The following ACOX2 variants were observed in gnomAD, a reference collection of about 807,000 sequenced individuals.
The protein encoded by ACOX2 is acyl-CoA oxidase 2, also known as peroxisomal acyl-coenzyme A oxidase 2.
In ACOX2, 59 loss-of-function variants were observed where a neutral mutation model predicts 77.5. The observed-to-expected ratio is 0.76, with a 90% confidence interval of 0.62 to 0.95. The LOEUF is 0.95. ACOX2 is among the 40% of genes least tolerant of loss of function. ACOX2 has a pLI of 0.00. For missense variants in ACOX2, 837 were observed against 880.4 expected, an observed-to-expected ratio of 0.95 and a Z score of 0.62; for synonymous variants, 317 against 340.1, an observed-to-expected ratio of 0.93 and a Z score of 0.75.
At chr3:58,517,000 C>G (rs2063325591) in intron 13 of ACOX2, among the ~76,000 whole-genome samples, 1 of 152,118 alleles carries the variant, frequency 6.6e-6, no homozygotes, top group Admixed American at 6.5e-5. Context: ...CTCATTTATT[C>G]TTCAGTATTT....
rs779373513 is a variant in ACOX2 at position 58,531,331 on chromosome 3, A to C, written c.739T>G (p.Phe247Val). The C allele has an allele frequency of 6.2e-7, 1 of 1,613,928 alleles. No homozygotes were observed. The highest frequency in any genetic ancestry group is 8.5e-7 in the Non-Finnish European group (1 of 1,180,032). Residue 247 changes from phenylalanine to valine, a missense_variant, in exon 7 of 15, where the codon TTT becomes GTT. By Grantham distance (50) the Phe-to-Val change is conservative (BLOSUM62 -1). Coordinates refer to ENST00000302819, the MANE Select transcript of ACOX2 (RefSeq NM_003500.4). This position sits in a 1 kb window ranked among gnomAD's most constrained non-coding sequence, Gnocchi z 5.8. ...IIGDIGPKMD[F>V]DQTDNGFLQL... The stretch of plus-strand genomic sequence containing the variant: ...AGGAAGCCATTGTCTGTTTGATCAA[A>C]GTCCATCTTGGGTCCGATGTCCCCA...
At position 58,534,810 on chromosome 3, in the gene ACOX2, C is replaced by T. The variant is rs902675536; in HGVS notation, c.160+137G>A. 31 of 1,443,608 alleles carry T rather than the reference C, an allele frequency of 2.1e-5. No individual in the cohort carries two copies. The highest frequency in any genetic ancestry group is 2.0e-4 in the Middle Eastern group (1 of 5,046). The allele number at this position is 1,443,608 out of a possible 1,614,324, so 89.4% of individuals were successfully genotyped here. On this transcript the variant is annotated intron_variant, in intron 2 of 14. Coordinates refer to ENST00000302819, the MANE Select transcript of ACOX2 (RefSeq NM_003500.4). The surrounding 1 kb of genome is among the most constrained non-coding windows in gnomAD (Gnocchi z 4.8). ...ACATGTGAAGATTGTCTTTACAGTT[C>T]GAAGGAATGAATCTCTAACAGTGGA... is the stretch of plus-strand genomic sequence containing the variant.
chr3:58,531,392 C>T lies in ACOX2; in HGVS notation c.704-26G>A. ...CTTGAAGGAGATGGAGATGAGGACACCTATCAGTTGAGAGAGTGCTTGCTA... is the reference window on the plus strand; with the variant it reads ...CTTGAAGGAGATGGAGATGAGGACATCTATCAGTTGAGAGAGTGCTTGCTA... On this transcript the variant is annotated intron_variant, in intron 6 of 14. Coordinates refer to ENST00000302819, the MANE Select transcript of ACOX2 (RefSeq NM_003500.4). This position sits in a 1 kb window ranked among gnomAD's most constrained non-coding sequence, Gnocchi z 5.8. 6 of 1,595,180 alleles carry T rather than the reference C, an allele frequency of 3.8e-6. No individual in the cohort carries two copies. Among genetic ancestry groups the T allele is most frequent in the Non-Finnish European group, 5.2e-6 (6 of 1,163,464 alleles).
At chr3:58,510,439 C>T (rs547634635) in intron 13 of ACOX2, among the ~76,000 whole-genome samples, 5 of 151,116 alleles carry the variant, frequency 3.3e-5, no homozygotes, top group African/African-American at 1.2e-4. Flanking sequence ...TCGAGACCAG[C>T]CTGGCCAACA....
Position 58,505,172 on chromosome 3 carries a change from G to C in ACOX2, c.*52C>G. On this transcript the variant is annotated 3_prime_UTR_variant, in exon 15 of 15. Coordinates refer to ENST00000302819, the MANE Select transcript of ACOX2 (RefSeq NM_003500.4). This position sits in a 1 kb window ranked among gnomAD's most constrained non-coding sequence, Gnocchi z 4.4. Reference sequence around the variant, plus strand: ...ATTTTAATGTTGCATATATGCCATAGTACCATTATCACATGATGGTGCTGG... The same window carrying C: ...ATTTTAATGTTGCATATATGCCATACTACCATTATCACATGATGGTGCTGG... 1 of 1,456,956 alleles carries C rather than the reference G, an allele frequency of 6.9e-7. No homozygotes were observed. The allele number at this position is 1,456,956 out of a possible 1,614,324, so 90.3% of individuals were successfully genotyped here. A position where few individuals can be genotyped will look rare whatever the true frequency, so the allele number is the denominator to read the frequency against.
rs200273733 is a variant in ACOX2 at position 58,531,648 on chromosome 3, G to A, written c.703+45C>T. On this transcript the variant is annotated intron_variant, in intron 6 of 14. Coordinates refer to ENST00000302819, the MANE Select transcript of ACOX2 (RefSeq NM_003500.4). This position sits in a 1 kb window ranked among gnomAD's most constrained non-coding sequence, Gnocchi z 5.8. ...GCCCCAGGTCAGGGAGGCCACCTGGGCTCTCCTCCTGGCAGGGTTCCTTGA... is the reference window on the plus strand; with the variant it reads ...GCCCCAGGTCAGGGAGGCCACCTGGACTCTCCTCCTGGCAGGGTTCCTTGA... 1.8e-5 allele frequency: 29 copies of A among 1,601,848 alleles called. No homozygotes were observed. The East Asian group carries it at 4.7e-4, about 26-fold the overall frequency.
At chr3:58,518,075 CAAAAAAAAAAA>C (rs763535906) in intron 12 of ACOX2, among the ~76,000 whole-genome samples, 34 of 47,700 alleles carry the variant, frequency 7.1e-4, no homozygotes, top group African/African-American at 2.7e-3. Context: ...AACTCCATCT[CAAAAAAAAAAA>C]AAAAAAAAAA....
chr3:58,529,774 C>T (rs1454743376), intron 8 of ACOX2, among the ~76,000 whole-genome samples: 1 of 152,234 alleles, frequency 6.6e-6, no homozygotes, highest in Non-Finnish European at 1.5e-5. Flanking sequence ...TACTGCATTT[C>T]ACCCTCCACA....
rs1246260779 is a variant in ACOX2 at position 58,528,249 on chromosome 3, A to G, written c.1155+545T>C. ...TGGTAGCCTGGACAGACTGAATTTT[A>G]CTATATATGTAAGTCCACAATGCTT... is the stretch of plus-strand genomic sequence containing the variant. On this transcript the variant is annotated intron_variant, in intron 9 of 14. Coordinates refer to ENST00000302819, the MANE Select transcript of ACOX2 (RefSeq NM_003500.4). This position sits in a 1 kb window ranked among gnomAD's most constrained non-coding sequence, Gnocchi z 5.6. Among the ~76,000 whole-genome samples the G allele has an allele frequency of 6.6e-6, 1 of 152,186 alleles. No homozygotes were observed. The highest frequency in any genetic ancestry group is 1.9e-4 in the East Asian group (1 of 5,192).
rs746987925 is a variant in ACOX2 at position 58,534,909 on chromosome 3, G to A, written c.160+38C>T. 2 of 1,612,978 alleles carry A rather than the reference G, an allele frequency of 1.2e-6. No homozygotes were observed. Among genetic ancestry groups the A allele is most frequent in the South Asian group, 1.1e-5 (1 of 91,012 alleles). ...ACTCTTCTTACAAGAGAAGCATGGG[G>A]CATAAAACAGATGTCCCATTCCCCA... On this transcript the variant is annotated intron_variant, in intron 2 of 14. Coordinates refer to ENST00000302819, the MANE Select transcript of ACOX2 (RefSeq NM_003500.4). The surrounding 1 kb of genome is among the most constrained non-coding windows in gnomAD (Gnocchi z 4.8).
At position 58,535,691 on chromosome 3, in the gene ACOX2, A is replaced by G. The variant is rs977071003; in HGVS notation, c.-91-494T>C. Among the ~76,000 whole-genome samples, 2 of 152,104 alleles carry G rather than the reference A, an allele frequency of 1.3e-5. No individual in the cohort carries two copies. Among genetic ancestry groups the G allele is most frequent in the Admixed American group, 6.5e-5 (1 of 15,272 alleles). ...TCTAGGATCACTCAGCTCCATTTCTATGAGCCCTGCAGGTATATTGTGGAA... is the reference window on the plus strand; with the variant it reads ...TCTAGGATCACTCAGCTCCATTTCTGTGAGCCCTGCAGGTATATTGTGGAA... On this transcript the variant is annotated intron_variant, in intron 1 of 14. Coordinates refer to ENST00000302819, the MANE Select transcript of ACOX2 (RefSeq NM_003500.4). This position sits in a 1 kb window ranked among gnomAD's most constrained non-coding sequence, Gnocchi z 4.8.
rs572205894 is a variant in ACOX2 at position 58,514,888 on chromosome 3, G to A, written c.1850+2318C>T. On this transcript the variant is annotated intron_variant, in intron 13 of 14. Transcript: ENST00000302819. The surrounding 1 kb of genome is among the most constrained non-coding windows in gnomAD (Gnocchi z 4.3). ...GTTTCAAAAAGATGGACACCCTTGG[G>A]CTTGAACTGTGCAGTACTTAATTAT... Among the ~76,000 whole-genome samples the A allele has an allele frequency of 6.6e-6, 1 of 152,204 alleles. No individual in the cohort carries two copies. The highest frequency in any genetic ancestry group is 1.5e-5 in the Non-Finnish European group (1 of 68,036).
chr3:58,518,304 A>T (rs940781086), intron 12 of ACOX2, among the ~76,000 whole-genome samples: 1 of 152,152 alleles, frequency 6.6e-6, no homozygotes, highest in East Asian at 1.9e-4. Flanking sequence ...TTGTAAAAAT[A>T]ATACTTTAAT....
rs746931246 is a variant in ACOX2, at chr3:58,522,556, G to GGATTGC, written c.1566_1571dup (p.Gln523_Ser524dup). 6.2e-7 allele frequency: 1 copy of GGATTGC among 1,614,154 alleles called. No individual in the cohort carries two copies. Among genetic ancestry groups the GGATTGC allele is most frequent in the African/African-American group, 1.3e-5 (1 of 75,026 alleles). On this transcript the variant is annotated inframe_insertion, in exon 12 of 15. Coordinates refer to ENST00000302819, the MANE Select transcript of ACOX2 (RefSeq NM_003500.4). This position sits in a 1 kb window ranked among gnomAD's most constrained non-coding sequence, Gnocchi z 4.3. ...TCCAAGCCTCGTGCTGGTCAGCTCC[G>GGATTGC]GATTGCGTCAGGGTCTGTAAATGCT...
In ACOX2 at chr3:58,534,183, G is replaced by C; in HGVS notation, c.324-38C>G. ...GATGCTGTAGTTGAGTAGCTTATTG[G>C]AGACAGGGGCCCAGGTACCCCCTGC... is the stretch of plus-strand genomic sequence containing the variant. On this transcript the variant is annotated intron_variant, in intron 3 of 14. Transcript: ENST00000302819. This position sits in a 1 kb window ranked among gnomAD's most constrained non-coding sequence, Gnocchi z 4.8. 1 of 1,611,172 alleles carries C rather than the reference G, an allele frequency of 6.2e-7. No homozygotes were observed.
chr3:58,529,013 T>C, intron 8 of ACOX2, 57 bp from the exon 9 acceptor site: 1 of 1,489,952 alleles, frequency 6.7e-7, no homozygotes, highest in Non-Finnish European at 9.0e-7. Context: ...CACCTTCCCC[T>C]ATCCCCGACA....
At chr3:58,529,286 T>C (rs2063419509) in intron 8 of ACOX2, 1 of 179,756 alleles carries the variant, frequency 5.6e-6, no homozygotes, top group Non-Finnish European at 1.2e-5. Context: ...AGGTGAAGAG[T>C]TGTGGCCCTG....
chr3:58,528,744 CTT>C lies in ACOX2; in HGVS notation c.1155+48_1155+49del. 2 of 1,555,470 alleles carry C rather than the reference CTT, an allele frequency of 1.3e-6. No homozygotes were observed. The highest frequency in any genetic ancestry group is 4.6e-5 in the East Asian group (2 of 43,366). On this transcript the variant is annotated intron_variant, in intron 9 of 14. Coordinates refer to ENST00000302819, the MANE Select transcript of ACOX2 (RefSeq NM_003500.4). This position sits in a 1 kb window ranked among gnomAD's most constrained non-coding sequence, Gnocchi z 5.6. ...GCTGCTCCCCAGTGAGTGGAACAAT[CTT>C]AGCTCCCAGCGCCTGCCAGCGCCTG...
chr3:58,530,978 C>T lies in ACOX2; in HGVS notation c.819+273G>A, dbSNP rs115928669. Among the ~76,000 whole-genome samples the T allele has an allele frequency of 5.6e-3, 852 of 152,312 alleles. 11 individuals carry two copies. Among genetic ancestry groups the T allele is most frequent in the African/African-American group, 0.019 (810 of 41,548 alleles). On this transcript the variant is annotated intron_variant, in intron 7 of 14. Coordinates refer to ENST00000302819, the MANE Select transcript of ACOX2 (RefSeq NM_003500.4). ...AAATATTATGCAGGTCACCTCAGCC[C>T]TATCCTCTCCTGGGGCTGCCACCCC... is the stretch of plus-strand genomic sequence containing the variant.
Sources: gnomAD v4.1 joint callset for allele counts (sites outside exome capture counted in the v4.1 genomes callset) on GRCh38, gnomAD v4.1.1 for gene constraint, Gnocchi (gnomAD v3.1) non-coding constraint, MANE v1.5 for transcripts, NCBI Gene and HGNC (gene_info 2026-07-23, HGNC 2026-07-21) for gene names.